Variants in FAM219A observed in about 807,000 individuals in gnomAD.
FAM219A encodes the protein family with sequence similarity 219 member A.
FAM219A carries 7 observed loss-of-function variants against 23.4 expected under a neutral mutation model. The ratio of observed to expected loss-of-function variants is 0.30; its 90% confidence interval spans 0.17 to 0.56. FAM219A has a LOEUF of 0.56. FAM219A is among the 20% of genes least tolerant of loss of function. The pLI, the probability that FAM219A is intolerant of heterozygous loss-of-function variation, is 0.92. For missense variants in FAM219A, 166 were observed against 246.9 expected (o/e 0.67, Z 2.20); for synonymous variants, 93 against 99.0 (o/e 0.94, Z 0.36).
At position 34,398,323 on chromosome 9, in the gene FAM219A, T is replaced by A; in HGVS notation, c.*2641A>T. ...TCCACACACCTTCCTGGAAATAAATTAGTGAGCACGGAGAAACCTGGCTGG... is the reference window on the plus strand; with the variant it reads ...TCCACACACCTTCCTGGAAATAAATAAGTGAGCACGGAGAAACCTGGCTGG... On this transcript the variant is annotated 3_prime_UTR_variant, in exon 6 of 6. Transcript: ENST00000651358. 6.4e-7 allele frequency: 1 copy of A among 1,550,792 alleles called. No homozygotes were observed. The highest frequency in any genetic ancestry group is 8.7e-7 in the Non-Finnish European group (1 of 1,147,022).
chr9:34,402,215 C>T, intron 4 of FAM219A, 172 bp downstream of exon 4: 3 of 1,569,026 alleles, frequency 1.9e-6, no homozygotes, highest in South Asian at 2.3e-5. Flanking sequence ...CTCTCTTCAA[C>T]CCCCAGTCCC....
intron 1 of FAM219A, among the ~76,000 whole-genome samples, chr9:34,427,752 C>T (rs969247476): frequency 1.1e-4 from 17 of 152,208 alleles, no homozygotes; most frequent in African/African-American, 4.1e-4. Flanking sequence ...GTCCCACAGA[C>T]AGATGTTGCA....
intron 1 of FAM219A, among the ~76,000 whole-genome samples, chr9:34,426,106 G>C (rs886109384): frequency 6.6e-6 from 1 of 152,190 alleles, no homozygotes; most frequent in East Asian, 1.9e-4. Flanking sequence ...CTTCACAGAA[G>C]CACAGAATAG....
At chr9:34,442,738 C>T (rs1823227039) in intron 1 of FAM219A, among the ~76,000 whole-genome samples, 1 of 151,412 alleles carries the variant, frequency 6.6e-6, no homozygotes, top group African/African-American at 2.4e-5. Context: ...ATGTGTGAGC[C>T]AGATTCAAAC....
chr9:34,406,803 CTTTTTT>C (rs34985382), intron 1 of FAM219A, among the ~76,000 whole-genome samples: 1 of 127,536 alleles, frequency 7.8e-6, no homozygotes, highest in Non-Finnish European at 1.7e-5. Flanking sequence ...TGTCCAGAGT[CTTTTTT>C]TTTTTTTTTT....
intron 1 of FAM219A, among the ~76,000 whole-genome samples, chr9:34,408,554 A>C (rs1270941286): frequency 6.6e-6 from 1 of 152,202 alleles, no homozygotes; most frequent in African/African-American, 2.4e-5. Context: ...GTCACATGTC[A>C]CATATACCAC....
chr9:34,420,999 T>TGAGA (rs1822252757), intron 1 of FAM219A, among the ~76,000 whole-genome samples: 1 of 66,222 alleles, frequency 1.5e-5, no homozygotes, highest in Non-Finnish European at 3.2e-5. Flanking sequence ...TGTATGTGTG[T>TGAGA]GTGTGTGTGT....
At chr9:34,426,016 A>T (rs752655119) in intron 1 of FAM219A, among the ~76,000 whole-genome samples, 4 of 152,178 alleles carry the variant, frequency 2.6e-5, no homozygotes, top group Non-Finnish European at 5.9e-5. Flanking sequence ...TGTTCCTATC[A>T]GGGGAGCAAT....
chr9:34,401,427 C>T (rs1401943581), intron 5 of FAM219A, among the ~76,000 whole-genome samples: 1 of 152,226 alleles, frequency 6.6e-6, no homozygotes, highest in African/African-American at 2.4e-5. Context: ...GTATTTTACA[C>T]CCATTCTATT....
chr9:34,453,537 T>C (rs1337689636), intron 1 of FAM219A, among the ~76,000 whole-genome samples: 1 of 152,216 alleles, frequency 6.6e-6, no homozygotes, highest in Non-Finnish European at 1.5e-5. Context: ...ATCCTTCTCT[T>C]GGCCACCCAC....
chr9:34,446,172 C>T (rs1224114594), intron 1 of FAM219A, among the ~76,000 whole-genome samples: 1 of 107,978 alleles, frequency 9.3e-6, no homozygotes, highest in Admixed American at 9.3e-5. Flanking sequence ...GACTCTGTCT[C>T]AAAAAAAAAA....
intron 1 of FAM219A, among the ~76,000 whole-genome samples, chr9:34,435,207 A>G (rs910830195): frequency 6.6e-6 from 1 of 152,206 alleles, no homozygotes; most frequent in Non-Finnish European, 1.5e-5. Flanking sequence ...AATTGGGAAG[A>G]TGTGAGTCAA....
chr9:34,421,007 T>TGAGAGAGA (rs761212084), intron 1 of FAM219A, among the ~76,000 whole-genome samples: 1,589 of 76,464 alleles, frequency 0.021, 22 homozygotes, highest in Middle Eastern at 0.036. Context: ...TGTGTGTGTG[T>TGAGAGAGA]GTGAGAGAGA....
intron 1 of FAM219A, among the ~76,000 whole-genome samples, chr9:34,432,217 C>A (rs2131983604): frequency 6.6e-6 from 1 of 152,304 alleles, no homozygotes; most frequent in South Asian, 2.1e-4. Flanking sequence ...GTGTACCATT[C>A]TTCTCCAGGG....
chr9:34,405,727 C>T (rs1821608410), intron 2 of FAM219A, 138 bp downstream of exon 2: 13 of 784,944 alleles, frequency 1.7e-5, no homozygotes, highest in Middle Eastern at 2.4e-4. Flanking sequence ...CAAGGTGCCT[C>T]GCAGTGCCAA....
chr9:34,406,187 A>G (rs1045913722), intron 1 of FAM219A: 10 of 704,254 alleles, frequency 1.4e-5, no homozygotes, highest in Non-Finnish European at 1.7e-5. Flanking sequence ...ATGTACACCC[A>G]ACTTGGTGTC....
intron 1 of FAM219A, among the ~76,000 whole-genome samples, chr9:34,444,784 C>A (rs76284021): frequency 0.021 from 3,173 of 152,270 alleles, 93 homozygotes; most frequent in East Asian, 0.12. Context: ...TTTCTCATAG[C>A]AGCCTTACCT....
intron 1 of FAM219A, among the ~76,000 whole-genome samples, chr9:34,408,736 A>G (rs1407445656): frequency 6.6e-6 from 1 of 151,996 alleles, no homozygotes; most frequent in Non-Finnish European, 1.5e-5. Flanking sequence ...TTTTACACTG[A>G]TGACTTCTAA....
chr9:34,452,107 C>CA (rs1823580501), intron 1 of FAM219A, among the ~76,000 whole-genome samples: 1 of 148,744 alleles, frequency 6.7e-6, no homozygotes, highest in Non-Finnish European at 1.5e-5. Flanking sequence ...ATAACAACAA[C>CA]AAAACCCACT....
Sources: gnomAD v4.1 joint callset for allele counts (sites outside exome capture counted in the v4.1 genomes callset) on GRCh38, gnomAD v4.1.1 for gene constraint, MANE v1.5 for transcripts, NCBI Gene and HGNC (gene_info 2026-07-23, HGNC 2026-07-21) for gene names.